The following IPO8 variants were observed in gnomAD, a reference collection of about 807,000 sequenced individuals.
IPO8 encodes the protein importin 8, also known as importin-8.
In IPO8, 65 loss-of-function variants were observed where a neutral mutation model predicts 141.2. That is an observed-to-expected ratio of 0.46 (90% CI 0.38 to 0.57). The LOEUF (loss-of-function observed/expected upper bound fraction) is 0.57, where lower values mean the gene tolerates loss of function less well. IPO8 is among the 20% of genes least tolerant of loss of function. The pLI is 0.00. For missense variants in IPO8, 980 were observed against 1,246.8 expected (o/e 0.79, Z 3.22); for synonymous variants, 411 against 420.3 (o/e 0.98, Z 0.27).
At chr12:30,661,301 T>C in intron 15 of IPO8, 35 bp from the exon 16 acceptor site, 3 of 1,535,388 alleles carry the variant, frequency 2.0e-6, no homozygotes, top group South Asian at 1.3e-5. Context: ...CCGCAATTAG[T>C]AGTACTGTTA....
chr12:30,665,750 G>T lies in IPO8; in HGVS notation c.1317C>A (p.Ser439=), dbSNP rs757596761. 2.4e-5 allele frequency: 39 copies of T among 1,609,898 alleles called. No homozygotes were observed. The highest frequency in any genetic ancestry group is 3.3e-5 in the Non-Finnish European group (39 of 1,176,532). ...TAACCTTCAGTAAAATCTCAGCTAG[G>T]GAACCAATCACATGCAGGGCTCCAT... is the stretch of plus-strand genomic sequence containing the variant. ...KKDGALHVIG[S]LAEILLKKSL... The change falls in exon 12 of 25, where the codon TCC becomes TCA. Residue 439 remains serine, a synonymous_variant. Transcript: ENST00000256079.
At position 30,669,368 on chromosome 12, in the gene IPO8, C is replaced by A. The variant is rs772322498; in HGVS notation, c.1045-86G>T. On this transcript the variant is annotated intron_variant, in intron 9 of 24. Coordinates refer to ENST00000256079, the MANE Select transcript of IPO8 (RefSeq NM_006390.4). Reference sequence around the variant, plus strand: ...TACTAATAATGTACTTGTTGACAGCCTTTATGATGTTAGTTTTCCAAACTC... The same window carrying A: ...TACTAATAATGTACTTGTTGACAGCATTTATGATGTTAGTTTTCCAAACTC... 2.1e-4 allele frequency: 117 copies of A among 569,324 alleles called. 1 individual carries two copies. The highest frequency in any genetic ancestry group is 3.3e-4 in the Non-Finnish European group (108 of 328,614). 35.3% of individuals were successfully genotyped at this position (569,324 alleles called of 1,614,324 possible). A position where few individuals can be genotyped will look rare whatever the true frequency, so the allele number is the denominator to read the frequency against.
chr12:30,639,589 C>G lies in IPO8; in HGVS notation c.2415G>C (p.Gln805His). 6.2e-7 allele frequency: 1 copy of G among 1,614,028 alleles called. No homozygotes were observed. Among genetic ancestry groups the G allele is most frequent in the Non-Finnish European group, 8.5e-7 (1 of 1,179,946 alleles). The change falls in exon 21 of 25, where the codon CAG (glutamine) becomes CAC (histidine). Residue 805 changes from glutamine (Q) to histidine (H), a missense_variant. Transcript: ENST00000256079. Reference sequence around the variant, plus strand: ...TGATAGGTCCAGGGTTGTGAGGCAACTGAATTCGTTCTAAAGTATGTAGCA... The same window carrying G: ...TGATAGGTCCAGGGTTGTGAGGCAAGTGAATTCGTTCTAAAGTATGTAGCA... ...DLLLHTLERI[Q>H]LPHNPGPITV...
In IPO8 at chr12:30,681,689, A is replaced by G; in HGVS notation, c.452T>C (p.Leu151Ser). The G allele has an allele frequency of 3.7e-6, 6 of 1,613,824 alleles. No homozygotes were observed. The highest frequency in any genetic ancestry group is 5.1e-6 in the Non-Finnish European group (6 of 1,179,726). The change falls in exon 4 of 25, where the codon TTA becomes TCA. Residue 151 changes from leucine (L) to serine (S), a missense_variant. By Grantham distance (145) the Leu-to-Ser change is moderately radical (BLOSUM62 -2). Coordinates refer to ENST00000256079, the MANE Select transcript of IPO8 (RefSeq NM_006390.4). The stretch of plus-strand genomic sequence containing the variant: ...TGTCTTCACCAGTTGATACAGGCAT[A>G]ATAAACTGCCAAGCCAGCTTGCACT... ...QSSASWLGSLLCLYQLVKTYE... is the reference protein window; with the variant it reads ...QSSASWLGSLSCLYQLVKTYE...
In IPO8 at chr12:30,634,292, A is replaced by T; in HGVS notation, c.2696-6T>A. On this transcript the variant is annotated splice_polypyrimidine_tract_variant and splice_region_variant and intron_variant, in intron 22 of 24. Coordinates refer to ENST00000256079, the MANE Select transcript of IPO8 (RefSeq NM_006390.4). Reference sequence around the variant, plus strand: ...TTCATCACTTGAAATCTCCTCTGTGAACCCATTAATTATTTAAAAGGAATC... The same window carrying T: ...TTCATCACTTGAAATCTCCTCTGTGTACCCATTAATTATTTAAAAGGAATC... The T allele has an allele frequency of 6.2e-7, 1 of 1,610,160 alleles. No homozygotes were observed. The highest frequency in any genetic ancestry group is 8.5e-7 in the Non-Finnish European group (1 of 1,176,692).
chr12:30,676,745 C>T (rs369074450), intron 5 of IPO8, 158 bp from the exon 6 acceptor site: 16 of 746,326 alleles, frequency 2.1e-5, no homozygotes, highest in South Asian at 5.0e-5. Flanking sequence ...CAGATTCATA[C>T]GACCATATAG....
rs201904393 is a variant in IPO8 at position 30,630,927 on chromosome 12, C to T, written c.3047G>A (p.Gly1016Asp). Residue 1016 changes from glycine (G) to aspartate (D), a missense_variant, in exon 25 of 25, where the codon GGC (glycine) becomes GAC (aspartate). Physicochemically the swap from Gly to Asp is moderately conservative, Grantham distance 94. This residue lies in a region of IPO8 where 924 missense variants were observed against 1,153.9 expected (regional missense o/e 0.80). Transcript: ENST00000256079. Reference protein sequence around the residue: ...EAKKKIEQQGGFTFENKGVLS... With the variant: ...EAKKKIEQQGDFTFENKGVLS... Reference sequence around the variant, plus strand: ...GACTCCTTTGTTTTCAAAGGTGAAGCCTCCCTGTTGTTCAATCTTCTTCTT... The same window carrying T: ...GACTCCTTTGTTTTCAAAGGTGAAGTCTCCCTGTTGTTCAATCTTCTTCTT... The T allele has an allele frequency of 6.2e-7, 1 of 1,613,418 alleles. No individual in the cohort carries two copies. Among genetic ancestry groups the T allele is most frequent in the Non-Finnish European group, 8.5e-7 (1 of 1,179,958 alleles).
chr12:30,661,344 A>C, intron 15 of IPO8, 78 bp from the exon 16 acceptor site: 1 of 1,341,522 alleles, frequency 7.5e-7, no homozygotes, highest in South Asian at 1.7e-5. Flanking sequence ...GCAAAATGGC[A>C]GTGTCACACA....
At position 30,652,246 on chromosome 12, in the gene IPO8, A is replaced by G; in HGVS notation, c.2118T>C (p.Asp706=). 1 of 1,605,514 alleles carries G rather than the reference A, an allele frequency of 6.2e-7. No individual in the cohort carries two copies. Among genetic ancestry groups the G allele is most frequent in the Non-Finnish European group, 8.5e-7 (1 of 1,173,500 alleles). Residue 706 remains aspartate, a synonymous_variant, in exon 19 of 25, where the codon GAT becomes GAC. Coordinates refer to ENST00000256079, the MANE Select transcript of IPO8 (RefSeq NM_006390.4). The part of the protein sequence containing the change: ...LLHNYVTIDT[D]TLLSNAKHLE... ...AATGTTTTGCATTTGATAGTAAGGT[A>G]TCTGTATCTATTGTCACATAATTAT...
Position 30,695,246 on chromosome 12 carries a change from C to G in IPO8, c.84+318G>C. ...GTCCGCGCACTTAAGGAAAATAAAT[C>G]ACACCCTGAAAACACTAGCACAGGT... is the stretch of plus-strand genomic sequence containing the variant. On this transcript the variant is annotated intron_variant, in intron 1 of 24. Transcript: ENST00000256079. The surrounding 1 kb of genome is among the most constrained non-coding windows in gnomAD (Gnocchi z 4.2). The G allele has an allele frequency of 2.0e-6, 1 of 501,506 alleles. No individual in the cohort carries two copies. The allele number at this position is 501,506 out of a possible 1,614,324, so 31.1% of individuals were successfully genotyped here.
At chr12:30,663,762 G>T in intron 13 of IPO8, 108 bp from the exon 14 acceptor site, 1 of 872,616 alleles carries the variant, frequency 1.1e-6, no homozygotes, top group Non-Finnish European at 1.6e-6. Flanking sequence ...ATGAAGAAAT[G>T]TTTGCTTTTG....
chr12:30,678,382 C>T (rs2053149722), intron 5 of IPO8, among the ~76,000 whole-genome samples: 1 of 152,052 alleles, frequency 6.6e-6, no homozygotes, highest in Non-Finnish European at 1.5e-5. Context: ...TCTTATACTG[C>T]ATTTTTAGCA....
chr12:30,636,848 A>G (rs1384729023), intron 22 of IPO8, 134 bp downstream of exon 22: 1 of 767,042 alleles, frequency 1.3e-6, no homozygotes, highest in Non-Finnish European at 2.1e-6. Flanking sequence ...AACCAAGCCC[A>G]AAATATTTGT....
At position 30,629,331 on chromosome 12, in the gene IPO8, T is replaced by C. The variant is rs2052399366; in HGVS notation, c.*1529A>G. On this transcript the variant is annotated 3_prime_UTR_variant, in exon 25 of 25. Transcript: ENST00000256079. ...GCCATCTTTCGCTTCTAACTGCCAGTTGGCACATTCAGCTTCAATGCCTTG... is the reference window on the plus strand; with the variant it reads ...GCCATCTTTCGCTTCTAACTGCCAGCTGGCACATTCAGCTTCAATGCCTTG... The C allele has an allele frequency of 6.6e-6, 1 of 152,248 alleles. No homozygotes were observed. Among genetic ancestry groups the C allele is most frequent in the Admixed American group, 6.5e-5 (1 of 15,292 alleles). The allele number at this position is 152,248 out of a possible 1,614,324, so 9.4% of individuals were successfully genotyped here. A position where few individuals can be genotyped will look rare whatever the true frequency, so the allele number is the denominator to read the frequency against.
chr12:30,650,758 T>C (rs181667247), intron 19 of IPO8, among the ~76,000 whole-genome samples: 54 of 152,228 alleles, frequency 3.5e-4, no homozygotes, highest in African/African-American at 1.2e-3. Context: ...AAAATGTATC[T>C]TGTAATTTTT....
chr12:30,664,820 AC>A (rs1263760271), intron 13 of IPO8, among the ~76,000 whole-genome samples: 1 of 151,950 alleles, frequency 6.6e-6, no homozygotes, highest in Non-Finnish European at 1.5e-5. Context: ...GCTCACCGCA[AC>A]CTCCGCCTCC....
rs2053335850 is a variant in IPO8 at position 30,695,846 on chromosome 12, C to G, written c.-199G>C. The stretch of plus-strand genomic sequence containing the variant: ...TGTCCTCCCTTTTTCCCCCCCACAA[C>G]TCGCTCTCCATTCACCGTTTTACGA... On this transcript the variant is annotated 5_prime_UTR_variant, in exon 1 of 25. Transcript: ENST00000256079. The surrounding 1 kb of genome is among the most constrained non-coding windows in gnomAD (Gnocchi z 4.2). The G allele has an allele frequency of 1.9e-6, 1 of 531,290 alleles. No homozygotes were observed. 32.9% of individuals were successfully genotyped at this position (531,290 alleles called of 1,614,324 possible).
At position 30,681,644 on chromosome 12, in the gene IPO8, T is replaced by C; in HGVS notation, c.482+15A>G. On this transcript the variant is annotated intron_variant, in intron 4 of 24. Transcript: ENST00000256079. ...ACACAAGGCTGCTTTCTTCAGCCAA[T>C]GGAAACCAACTTACTCATATGTCTT... The C allele has an allele frequency of 6.2e-7, 1 of 1,604,668 alleles. No homozygotes were observed. Among genetic ancestry groups the C allele is most frequent in the Non-Finnish European group, 8.5e-7 (1 of 1,174,948 alleles).
chr12:30,649,444 C>T (rs764933114), intron 19 of IPO8, among the ~76,000 whole-genome samples: 1 of 152,048 alleles, frequency 6.6e-6, no homozygotes, highest in Non-Finnish European at 1.5e-5. Flanking sequence ...CTTATTTGAC[C>T]TTGGATTAAT....
Sources: gnomAD v4.1 joint callset for allele counts (sites outside exome capture counted in the v4.1 genomes callset) on GRCh38, gnomAD v4.1.1 for gene constraint, gnomAD v4.1.1 regional missense constraint, Gnocchi (gnomAD v3.1) non-coding constraint, MANE v1.5 for transcripts, NCBI Gene and HGNC (gene_info 2026-07-23, HGNC 2026-07-21) for gene names.